Variants in SH2B1 observed in about 807,000 individuals in gnomAD.
SH2B1 encodes the protein SH2B adapter protein 1.
In SH2B1, 15 loss-of-function variants were observed where a neutral mutation model predicts 62.6. The observed-to-expected ratio is 0.24, with a 90% CI of 0.16 to 0.37. The LOEUF (loss-of-function observed/expected upper bound fraction) is 0.37, where lower values mean the gene tolerates loss of function less well. SH2B1 is among the 10% of genes least tolerant of loss of function. The probability of loss-of-function intolerance (pLI) is 1.00; values close to 1 mark genes in which losing one functional copy is unlikely to be tolerated. For missense variants in SH2B1, 925 were observed against 1,015.6 expected (o/e 0.91, Z 1.21); for synonymous variants, 443 against 438.0 (o/e 1.01, Z -0.14).
upstream of SH2B1, chr16:28,863,415 T>TG (rs888445468): frequency 5.0e-5 from 21 of 423,122 alleles, no homozygotes; most frequent in African/African-American, 3.9e-4. Flanking sequence ...CTCAGCTCCT[T>TG]GGTGGCGTTG....
In SH2B1 at chr16:28,852,806, T is replaced by A. The variant is rs1296753058; in HGVS notation, c.-301+5979T>A. Among the ~76,000 whole-genome samples the A allele has an allele frequency of 1.9e-4, 11 of 57,596 alleles. 4 individuals carry two copies. Among genetic ancestry groups the A allele is most frequent in the African/African-American group, 2.7e-4 (3 of 10,962 alleles). 37.8% of individuals were successfully genotyped at this position (57,596 alleles called of 152,430 possible). On this transcript the variant is annotated intron_variant, in intron 1 of 10. Coordinates refer to the SH2B1 transcript ENST00000322610. ...TTTACATATATATTTACATATATAT[T>A]TACATATATTTACATATATATTTAT...
At chr16:28,867,207 A>G in intron 1 of SH2B1, 124 bp from the exon 2 acceptor site, 1 of 1,213,260 alleles carries the variant, frequency 8.2e-7, no homozygotes, top group South Asian at 1.3e-5. Context: ...GGACTGAGAA[A>G]GCAGTGTGAC....
rs1963175051 is a variant in SH2B1, at chr16:28,873,659, T to C, written c.2110T>C (p.Leu704=). Residue 704 remains leucine, a synonymous_variant, in exon 8 of 8, where the codon TTG becomes CTG. Coordinates refer to ENST00000684370, the MANE Select transcript of SH2B1 (RefSeq NM_001387430.1). The surrounding 1 kb of genome is among the most constrained non-coding windows in gnomAD (Gnocchi z 4.2). ...PVVELVPVVE[L]EEAIAPGSEA... ...GGTTGAGCTGGTCCCCGTGGTTGAA[T>C]TGGAAGAGGCCATAGCCCCAGGCTC... is the stretch of plus-strand genomic sequence containing the variant. 5 of 1,532,046 alleles carry C rather than the reference T, an allele frequency of 3.3e-6. No individual in the cohort carries two copies. The highest frequency in any genetic ancestry group is 4.4e-6 in the Non-Finnish European group (5 of 1,137,888). The allele number at this position is 1,532,046 out of a possible 1,614,324, so 94.9% of individuals were successfully genotyped here.
Position 28,864,760 on chromosome 16 carries a change from C to A in SH2B1, c.-1335C>A. The A allele has an allele frequency of 1.7e-6, 1 of 580,736 alleles. No individual in the cohort carries two copies. Among genetic ancestry groups the A allele is most frequent in the Non-Finnish European group, 2.2e-6 (1 of 460,554 alleles). The allele number at this position is 580,736 out of a possible 1,614,324, so 36.0% of individuals were successfully genotyped here. ...CTCTGCCACTTTCTAGTTGTAAGAC[C>A]TTGAGAGGGCTCCTCCTTTCTCTAA... On this transcript the variant is annotated 5_prime_UTR_variant, in exon 1 of 8. Transcript: ENST00000684370.
intron 1 of SH2B1, among the ~76,000 whole-genome samples, chr16:28,854,534 T>C (rs868743525): frequency 6.6e-6 from 1 of 152,102 alleles, no homozygotes; most frequent in Middle Eastern, 3.4e-3. Context: ...GGAGGGTGGA[T>C]TGCTTGAGCC....
chr16:28,870,993 CCG>C (rs1596630394), intron 4 of SH2B1, among the ~76,000 whole-genome samples: 1 of 126,830 alleles, frequency 7.9e-6, no homozygotes, highest in African/African-American at 3.3e-5. Flanking sequence ...AGCCAGAATT[CCG>C]TGTGTGTGTG....
chr16:28,853,016 A>G (rs1236392460), intron 1 of SH2B1, among the ~76,000 whole-genome samples: 1 of 27,196 alleles, frequency 3.7e-5, no homozygotes, highest in East Asian at 1.6e-3. Context: ...ATATATATTT[A>G]TATATGTACA....
Position 28,872,066 on chromosome 16 carries a change from G to C in SH2B1, c.1513+83G>C. On this transcript the variant is annotated intron_variant, in intron 5 of 7. Coordinates refer to ENST00000684370, the MANE Select transcript of SH2B1 (RefSeq NM_001387430.1). This position sits in a 1 kb window ranked among gnomAD's most constrained non-coding sequence, Gnocchi z 5.3. ...CTCTCCTGGGATCCCGAGGGAGCTG[G>C]CCCAGGGGAGTTGGGGACGCATGTG... 7.5e-7 allele frequency: 1 copy of C among 1,342,092 alleles called. No individual in the cohort carries two copies. Among genetic ancestry groups the C allele is most frequent in the African/African-American group, 1.5e-5 (1 of 68,792 alleles). The allele number at this position is 1,342,092 out of a possible 1,614,324, so 83.1% of individuals were successfully genotyped here. A position where few individuals can be genotyped will look rare whatever the true frequency, so the allele number is the denominator to read the frequency against.
Position 28,869,395 on chromosome 16 carries a change from G to T in SH2B1, c.1309+12G>T. ...CCGCCTGTCGCAGGGTAAGGGTGGAGCCTTAGAGAGCTCGGAGCCTCGGAA... is the reference window on the plus strand; with the variant it reads ...CCGCCTGTCGCAGGGTAAGGGTGGATCCTTAGAGAGCTCGGAGCCTCGGAA... On this transcript the variant is annotated intron_variant, in intron 4 of 7. Coordinates refer to ENST00000684370, the MANE Select transcript of SH2B1 (RefSeq NM_001387430.1). 6.2e-7 allele frequency: 1 copy of T among 1,603,884 alleles called. No homozygotes were observed. Among genetic ancestry groups the T allele is most frequent in the East Asian group, 2.2e-5 (1 of 44,592 alleles).
chr16:28,871,693 G>T, intron 4 of SH2B1, 87 bp from the exon 5 acceptor site: 1 of 1,079,748 alleles, frequency 9.3e-7, no homozygotes, highest in Non-Finnish European at 1.4e-6. Flanking sequence ...TGCACACAGG[G>T]TAGACTGCTG....
chr16:28,864,807 A>G lies in SH2B1; in HGVS notation c.-1288A>G. ...CTAATTTCTATTTTAGAAAATTGGAACAATAATATTCTTCTCCCACATGAA... is the reference window on the plus strand; with the variant it reads ...CTAATTTCTATTTTAGAAAATTGGAGCAATAATATTCTTCTCCCACATGAA... On this transcript the variant is annotated 5_prime_UTR_variant, in exon 1 of 8. Coordinates refer to ENST00000684370, the MANE Select transcript of SH2B1 (RefSeq NM_001387430.1). The G allele has an allele frequency of 2.9e-6, 1 of 345,510 alleles. No individual in the cohort carries two copies. 21.4% of individuals were successfully genotyped at this position (345,510 alleles called of 1,614,324 possible). A position where few individuals can be genotyped will look rare whatever the true frequency, so the allele number is the denominator to read the frequency against.
chr16:28,872,315 G>T lies in SH2B1; in HGVS notation c.1639G>T (p.Gly547Cys). ...ACAGTTGGTGCTGACTGGCGGCACT[G>T]GCTCCCACGGTGTCTTCCTGGTGCG... ...AAQLVLTGGT[G>C]SHGVFLVRQS... Residue 547 changes from glycine to cysteine, a missense_variant, in exon 6 of 8, where the codon GGC becomes TGC. Gly to Cys is a radical substitution (Grantham distance 159). Around this residue, in one of 3 missense-constraint regions of SH2B1, gnomAD observed 57 missense variants for 122.1 expected, o/e 0.47. Coordinates refer to ENST00000684370, the MANE Select transcript of SH2B1 (RefSeq NM_001387430.1). The surrounding 1 kb of genome is among the most constrained non-coding windows in gnomAD (Gnocchi z 5.3). 3 of 1,613,980 alleles carry T rather than the reference G, an allele frequency of 1.9e-6. No homozygotes were observed. The highest frequency in any genetic ancestry group is 2.5e-6 in the Non-Finnish European group (3 of 1,179,874).
At chr16:28,867,519 GA>G in intron 2 of SH2B1, 87 bp downstream of exon 2, 1 of 968,548 alleles carries the variant, frequency 1.0e-6, no homozygotes, top group African/African-American at 1.6e-5. Context: ...TCGCCGAAAG[GA>G]GGTATATATA....
In SH2B1 at chr16:28,871,921, C is replaced by G. The variant is rs752391959; in HGVS notation, c.1451C>G (p.Thr484Arg). ...PRIPIEEGPP[T>R]GTVHPLSAPY... is the part of the protein sequence containing the mutation. The stretch of plus-strand genomic sequence containing the variant: ...ATCCCCATTGAAGAGGGACCCCCAA[C>G]AGGGACAGTTCATCCCCTCTCAGCC... The change falls in exon 5 of 8, where the codon ACA becomes AGA. Residue 484 changes from threonine (T) to arginine (R), a missense_variant. Around this residue, in one of 3 missense-constraint regions of SH2B1, gnomAD observed 683 missense variants for 704.0 expected, o/e 0.97. Transcript: ENST00000684370. 8 of 1,597,048 alleles carry G rather than the reference C, an allele frequency of 5.0e-6. No homozygotes were observed. The highest frequency in any genetic ancestry group is 6.9e-6 in the Non-Finnish European group (8 of 1,165,296).
chr16:28,873,086 C>A lies in SH2B1; in HGVS notation c.1898-361C>A. ...CTCGGTCTGATCCCCTTCCCTCCTC[C>A]CTCAATGTCTCATGTCCCTGTCTGA... On this transcript the variant is annotated intron_variant, in intron 7 of 7. Transcript: ENST00000684370. The surrounding 1 kb of genome is among the most constrained non-coding windows in gnomAD (Gnocchi z 4.2). 1 of 911,480 alleles carries A rather than the reference C, an allele frequency of 1.1e-6. No individual in the cohort carries two copies. The highest frequency in any genetic ancestry group is 1.6e-6 in the Non-Finnish European group (1 of 612,146). 56.5% of individuals were successfully genotyped at this position (911,480 alleles called of 1,614,324 possible).
rs1392042851 is a variant in SH2B1, at chr16:28,852,843, T to C, written c.-301+6016T>C. 7.1e-3 allele frequency among the ~76,000 whole-genome samples: 296 copies of C among 41,502 alleles called. 10 individuals are homozygous for C. Among genetic ancestry groups the C allele is most frequent in the East Asian group, 0.026 (65 of 2,500 alleles). The allele number at this position is 41,502 out of a possible 152,430, so 27.2% of individuals were successfully genotyped here. A position where few individuals can be genotyped will look rare whatever the true frequency, so the allele number is the denominator to read the frequency against. Reference sequence around the variant, plus strand: ...ACATATATATTTATATATATATACATATATATATTTTTATATATATTTACA... The same window carrying C: ...ACATATATATTTATATATATATACACATATATATTTTTATATATATTTACA... On this transcript the variant is annotated intron_variant, in intron 1 of 10. Transcript: ENST00000322610.
At chr16:28,868,961 C>T (rs369166935) in intron 2 of SH2B1, 45 bp from the exon 3 acceptor site, 51 of 1,441,928 alleles carry the variant, frequency 3.5e-5, no homozygotes, top group East Asian at 1.6e-4. Flanking sequence ...GATTAAGCCT[C>T]CTCCCTGCCC....
Position 28,874,112 on chromosome 16 carries a change from G to T in SH2B1, c.*292G>T. 1 of 349,106 alleles carries T rather than the reference G, an allele frequency of 2.9e-6. No individual in the cohort carries two copies. Among genetic ancestry groups the T allele is most frequent in the Non-Finnish European group, 5.1e-6 (1 of 194,390 alleles). The allele number at this position is 349,106 out of a possible 1,614,324, so 21.6% of individuals were successfully genotyped here. ...CTACCCCCAGCCCGAGGCAGGGTGA[G>T]GGGGAAGGGCTGTCAGTTACATTAA... On this transcript the variant is annotated 3_prime_UTR_variant, in exon 8 of 8. Coordinates refer to ENST00000684370, the MANE Select transcript of SH2B1 (RefSeq NM_001387430.1).
At chr16:28,855,305 C>T (rs1475924805) in intron 1 of SH2B1, among the ~76,000 whole-genome samples, 5 of 150,792 alleles carry the variant, frequency 3.3e-5, no homozygotes, top group African/African-American at 1.2e-4. Flanking sequence ...TTGCAACCTC[C>T]ACCTCCTGGG....
Sources: gnomAD v4.1 joint callset for allele counts (sites outside exome capture counted in the v4.1 genomes callset) on GRCh38, gnomAD v4.1.1 for gene constraint, gnomAD v4.1.1 regional missense constraint, Gnocchi (gnomAD v3.1) non-coding constraint, MANE v1.5 for transcripts, NCBI Gene and HGNC (gene_info 2026-07-23, HGNC 2026-07-21) for gene names.